Variants in CDH8 observed in about 807,000 individuals in gnomAD.
The protein encoded by CDH8 is cadherin 8, also known as cadherin-8.
A neutral mutation model predicts 68.1 loss-of-function variants in CDH8; 17 were observed. The ratio of observed to expected loss-of-function variants is 0.25; its 90% CI spans 0.17 to 0.37. CDH8 has a LOEUF of 0.37. Ranked by LOEUF, CDH8 falls within the 10% of genes least tolerant of loss-of-function variation. The pLI is 1.00. For synonymous variants in CDH8, 372 were observed against 365.1 expected (o/e 1.02, Z -0.21); for missense variants, 763 against 999.3 (o/e 0.76, Z 3.19).
intron 8 of CDH8, among the ~76,000 whole-genome samples, chr16:61,750,907 C>A (rs1444236299): frequency 6.6e-6 from 1 of 151,980 alleles, no homozygotes; most frequent in East Asian, 1.9e-4. Flanking sequence ...ATTATAATTT[C>A]TTCTTAGGAA....
chr16:62,008,879 T>C (rs913732761), intron 2 of CDH8, among the ~76,000 whole-genome samples: 1 of 151,978 alleles, frequency 6.6e-6, no homozygotes, highest in South Asian at 2.1e-4. Context: ...AAGTCAAGGA[T>C]GCAATCAGAG....
chr16:61,713,120 A>AT (rs886660541), intron 10 of CDH8, among the ~76,000 whole-genome samples: 3 of 151,660 alleles, frequency 2.0e-5, no homozygotes, highest in Non-Finnish European at 3.0e-5. Context: ...CAAGTTTTAA[A>AT]TTTTTTTTAA....
intron 2 of CDH8, among the ~76,000 whole-genome samples, chr16:61,984,815 T>C (rs1295978185): frequency 1.3e-5 from 2 of 152,214 alleles, no homozygotes; most frequent in Non-Finnish European, 2.9e-5. Flanking sequence ...ATACTTTTTA[T>C]ACTTAAGGCA....
At chr16:61,763,897 A>C (rs1446062745) in intron 8 of CDH8, among the ~76,000 whole-genome samples, 1 of 152,194 alleles carries the variant, frequency 6.6e-6, no homozygotes, top group Non-Finnish European at 1.5e-5. Flanking sequence ...ATAAATGGCT[A>C]ATGGAGCAAG....
intron 10 of CDH8, among the ~76,000 whole-genome samples, chr16:61,660,710 C>T (rs1237278404): frequency 1.3e-5 from 2 of 151,966 alleles, no homozygotes; most frequent in African/African-American, 2.4e-5. Flanking sequence ...TGACTCATCA[C>T]TTAACAGCAA....
Position 61,655,571 on chromosome 16 carries a change from T to C in CDH8, c.1805A>G (p.Asp602Gly). 6.2e-7 allele frequency: 1 copy of C among 1,614,118 alleles called. No homozygotes were observed. Among genetic ancestry groups the C allele is most frequent in the Non-Finnish European group, 8.5e-7 (1 of 1,180,014 alleles). Residue 602 changes from aspartate (D) to glycine (G), a missense_variant, in exon 11 of 12, where the codon GAC becomes GGC. Asp to Gly is a moderately conservative substitution (Grantham distance 94). Around this residue, in one of 2 missense-constraint regions of CDH8, gnomAD observed 397 missense variants for 436.2 expected, o/e 0.91. Coordinates refer to ENST00000577390, the MANE Select transcript of CDH8 (RefSeq NM_001796.5). ...LTIRVCGCSN[D>G]GVVQSCNVEA... is the part of the protein sequence containing the mutation. ...GACATTGCAAGACTGGACGACACCG[T>C]CATTGCTGCAGCCACAGACCCTGAT... is the stretch of plus-strand genomic sequence containing the variant.
chr16:61,960,261 A>G (rs1452850568), intron 2 of CDH8, among the ~76,000 whole-genome samples: 1 of 104,680 alleles, frequency 9.6e-6, no homozygotes, highest in Non-Finnish European at 1.8e-5. Context: ...ATACACATAC[A>G]TATATACGTG....
At chr16:61,828,335 G>A (rs1439869794) in intron 4 of CDH8, among the ~76,000 whole-genome samples, 1 of 151,910 alleles carries the variant, frequency 6.6e-6, no homozygotes, top group African/African-American at 2.4e-5. Flanking sequence ...CAGCCCCAGG[G>A]CTGCCCCTGT....
chr16:61,783,459 C>G (rs1478733177), intron 8 of CDH8, among the ~76,000 whole-genome samples: 34 of 151,754 alleles, frequency 2.2e-4, no homozygotes, highest in Admixed American at 4.6e-4. Context: ...ATCTACATCT[C>G]ATTGGTGTAC....
At chr16:61,842,346 C>T (rs567316537) in intron 4 of CDH8, among the ~76,000 whole-genome samples, 11 of 152,088 alleles carry the variant, frequency 7.2e-5, no homozygotes, top group Non-Finnish European at 1.0e-4. Flanking sequence ...GAATAAATGC[C>T]ATTATCACAG....
intron 2 of CDH8, among the ~76,000 whole-genome samples, chr16:61,998,516 G>C (rs1452737435): frequency 2.0e-5 from 3 of 152,038 alleles, no homozygotes; most frequent in African/African-American, 7.2e-5. Context: ...CTTCCACCAG[G>C]TGCCCTTGAT....
At chr16:61,694,183 A>T (rs1964284130) in intron 10 of CDH8, among the ~76,000 whole-genome samples, 1 of 152,114 alleles carries the variant, frequency 6.6e-6, no homozygotes, top group African/African-American at 2.4e-5. Context: ...TGGCAAAGGG[A>T]AATCCTAGAT....
In CDH8 at chr16:61,652,788, C is replaced by T; in HGVS notation, c.*820G>A. 2 of 1,339,974 alleles carry T rather than the reference C, an allele frequency of 1.5e-6. No individual in the cohort carries two copies. Among genetic ancestry groups the T allele is most frequent in the Non-Finnish European group, 9.6e-7 (1 of 1,043,650 alleles). 83.0% of individuals were successfully genotyped at this position (1,339,974 alleles called of 1,614,324 possible). On this transcript the variant is annotated 3_prime_UTR_variant, in exon 12 of 12. Transcript: ENST00000577390. ...ATTTCGAGGATTAAACAAATAAATTCACGCGCTAGCAATAAAACCATCTGT... is the reference window on the plus strand; with the variant it reads ...ATTTCGAGGATTAAACAAATAAATTTACGCGCTAGCAATAAAACCATCTGT...
At chr16:61,935,779 A>T (rs1430922029) in intron 2 of CDH8, among the ~76,000 whole-genome samples, 1 of 152,144 alleles carries the variant, frequency 6.6e-6, no homozygotes, top group Non-Finnish European at 1.5e-5. Context: ...GAAAAAAGAG[A>T]AAATAAACAA....
rs76646343 is a variant in CDH8 at position 61,792,720 on chromosome 16, C to T, written c.1278-3238G>A. Among the ~76,000 whole-genome samples the T allele has an allele frequency of 2.9e-3, 435 of 152,060 alleles. 2 individuals are homozygous for T. Among genetic ancestry groups the T allele is most frequent in the Non-Finnish European group, 5.2e-3 (355 of 67,932 alleles). On this transcript the variant is annotated intron_variant, in intron 7 of 11. Transcript: ENST00000577390. Reference sequence around the variant, plus strand: ...ATGCATAAACCAAACACATAAAGGGCTTATCTTATTCATGCATAAAATGGG... The same window carrying T: ...ATGCATAAACCAAACACATAAAGGGTTTATCTTATTCATGCATAAAATGGG...
At chr16:61,656,323 A>G (rs1963447737) in intron 10 of CDH8, among the ~76,000 whole-genome samples, 1 of 152,208 alleles carries the variant, frequency 6.6e-6, no homozygotes, top group Non-Finnish European at 1.5e-5. Flanking sequence ...TTCCGAAGAC[A>G]TATATTATCT....
At chr16:61,782,942 A>G (rs1022317493) in intron 8 of CDH8, among the ~76,000 whole-genome samples, 1 of 151,918 alleles carries the variant, frequency 6.6e-6, no homozygotes, top group African/African-American at 2.4e-5. Flanking sequence ...TCTGTACATC[A>G]CCATCATCAA....
chr16:61,989,579 C>G (rs1232370838), intron 2 of CDH8, among the ~76,000 whole-genome samples: 2 of 152,154 alleles, frequency 1.3e-5, no homozygotes, highest in African/African-American at 2.4e-5. Flanking sequence ...CAGATACTTG[C>G]TTGTGTAGCC....
chr16:61,808,521 G>A (rs1961858372), intron 7 of CDH8, among the ~76,000 whole-genome samples: 2 of 152,296 alleles, frequency 1.3e-5, no homozygotes, highest in South Asian at 4.1e-4. Context: ...GATTCAACAT[G>A]GGTGCATGCT....
Sources: allele counts gnomAD v4.1 joint callset (sites outside exome capture counted in the v4.1 genomes callset), GRCh38; gene constraint gnomAD v4.1.1; regional missense constraint gnomAD v4.1.1; transcripts MANE v1.5; gene names NCBI Gene and HGNC (gene_info 2026-07-23, HGNC 2026-07-21).